BRINP2: variants seen among roughly 807,000 people sequenced by gnomAD.
BRINP2 encodes the protein BMP/retinoic acid-inducible neural-specific protein 2.
A neutral mutation model predicts 69.2 loss-of-function variants in BRINP2; 21 were observed. That is an observed-to-expected ratio of 0.30 (90% CI 0.22 to 0.44). The LOEUF (loss-of-function observed/expected upper bound fraction) is 0.44. Among genes scored for constraint, BRINP2 ranks in the 20% least tolerant of loss-of-function variants. The pLI is 1.00. For synonymous variants in BRINP2, 380 were observed against 394.1 expected (o/e 0.96, Z 0.42); for missense variants, 877 against 986.0 (o/e 0.89, Z 1.48).
At chr1:177,210,779 A>T (rs959872527) in intron 1 of BRINP2, among the ~76,000 whole-genome samples, 1 of 151,808 alleles carries the variant, frequency 6.6e-6, no homozygotes, top group Non-Finnish European at 1.5e-5. Flanking sequence ...TCCGATGAAA[A>T]ATTATTATCT....
chr1:177,237,920 G>C (rs879854818), intron 2 of BRINP2, among the ~76,000 whole-genome samples: 1 of 152,080 alleles, frequency 6.6e-6, no homozygotes, highest in East Asian at 1.9e-4. Flanking sequence ...CTAGGTCAAG[G>C]ATTCTCAATA....
chr1:177,178,130 T>A (rs1648143233), intron 1 of BRINP2, among the ~76,000 whole-genome samples: 1 of 152,210 alleles, frequency 6.6e-6, no homozygotes, highest in South Asian at 2.1e-4. Flanking sequence ...TCACCCCTCG[T>A]GCTACTGTCT....
intron 2 of BRINP2, among the ~76,000 whole-genome samples, chr1:177,235,782 C>T (rs927592147): frequency 6.6e-6 from 1 of 152,142 alleles, no homozygotes; most frequent in African/African-American, 2.4e-5. Context: ...TGCATTACAG[C>T]CACTGAGGTA....
chr1:177,180,266 T>A (rs1379668801), intron 1 of BRINP2, among the ~76,000 whole-genome samples: 1 of 152,170 alleles, frequency 6.6e-6, no homozygotes, highest in South Asian at 2.1e-4. Flanking sequence ...CCCTGCACCA[T>A]GCCCTCTGCC....
intron 1 of BRINP2, among the ~76,000 whole-genome samples, chr1:177,217,170 C>T (rs1649404894): frequency 1.3e-5 from 2 of 151,636 alleles, no homozygotes; most frequent in South Asian, 4.2e-4. Context: ...GATGATGTCC[C>T]ATTATTCCCA....
Position 177,280,874 on chromosome 1 carries a change from G to T in BRINP2, c.1698G>T (p.Val566=). 6.2e-7 allele frequency: 1 copy of T among 1,614,192 alleles called. No individual in the cohort carries two copies. Among genetic ancestry groups the T allele is most frequent in the East Asian group, 2.2e-5 (1 of 44,878 alleles). ...SNKYKPGLVH[V]MLALSLQICL... The stretch of plus-strand genomic sequence containing the variant: ...AGTACAAGCCTGGGCTGGTGCACGT[G>T]ATGTTGGCCTTGTCCTTGCAGATCT... The change falls in exon 8 of 8, where the codon GTG becomes GTT. Residue 566 remains valine (V), a synonymous_variant. Transcript: ENST00000361539.
chr1:177,281,136 G>A lies in BRINP2; in HGVS notation c.1960G>A (p.Asp654Asn). Reference sequence around the variant, plus strand: ...CCTACGGAGCCGAATCAAGTCCCTGGATGACAGCTCCAATGAGACAATCTA... The same window carrying A: ...CCTACGGAGCCGAATCAAGTCCCTGAATGACAGCTCCAATGAGACAATCTA... ...VYLRSRIKSL[D>N]DSSNETIYYE... Residue 654 changes from aspartate to asparagine, a missense_variant, in exon 8 of 8, where the codon GAT (aspartate) becomes AAT (asparagine). By Grantham distance (23) the Asp-to-Asn change is conservative. Transcript: ENST00000361539. 1 of 1,614,202 alleles carries A rather than the reference G, an allele frequency of 6.2e-7. No individual in the cohort carries two copies. Among genetic ancestry groups the A allele is most frequent in the Non-Finnish European group, 8.5e-7 (1 of 1,180,044 alleles).
Position 177,270,532 on chromosome 1 carries a change from G to A in BRINP2, c.670-2956G>A, listed in dbSNP as rs139496103. 1.2e-4 allele frequency among the ~76,000 whole-genome samples: 18 copies of A among 151,972 alleles called. No homozygotes were observed. The East Asian group carries it at 3.5e-3, about 30-fold the overall frequency. ...AAGCAGATGCATTGGTGGCAGGCAG[G>A]GATGGGGGAGGGAGAAGTGGGGGGA... On this transcript the variant is annotated intron_variant, in intron 4 of 7. Transcript: ENST00000361539.
At chr1:177,256,520 T>C in intron 3 of BRINP2, 4 of 985,348 alleles carry the variant, frequency 4.1e-6, no homozygotes, top group South Asian at 4.7e-5. Context: ...TCTATAACGA[T>C]TGGAAACTGT....
rs144727355 is a variant in BRINP2, at chr1:177,279,181, G to A, written c.1235+396G>A. On this transcript the variant is annotated intron_variant, in intron 7 of 7. Transcript: ENST00000361539. ...ATGATTCTGCTCTGGGTCACAGGAG[G>A]AAAAAAAGTGGAGACCTGCACCCTC... Among the ~76,000 whole-genome samples the A allele has an allele frequency of 1.3e-5, 2 of 152,096 alleles. 1 individual carries two copies. The highest frequency in any genetic ancestry group is 3.9e-4 in the East Asian group (2 of 5,170).
intron 2 of BRINP2, among the ~76,000 whole-genome samples, chr1:177,241,337 T>G (rs1650200580): frequency 6.6e-6 from 1 of 152,172 alleles, no homozygotes; most frequent in South Asian, 2.1e-4. Flanking sequence ...CGAATCATAG[T>G]CTTTCTTCCC....
chr1:177,244,523 G>A (rs1017972168), intron 2 of BRINP2, among the ~76,000 whole-genome samples: 5 of 152,146 alleles, frequency 3.3e-5, no homozygotes, highest in African/African-American at 9.7e-5. Context: ...CCAGCTACTC[G>A]GGAGGCTAAG....
At chr1:177,229,608 G>A (rs1437778788) in intron 1 of BRINP2, among the ~76,000 whole-genome samples, 193 bp from the exon 2 acceptor site, 1 of 152,178 alleles carries the variant, frequency 6.6e-6, no homozygotes, top group Non-Finnish European at 1.5e-5. Context: ...GATGGCAATA[G>A]TGTTTCCTCA....
intron 4 of BRINP2, among the ~76,000 whole-genome samples, chr1:177,263,044 G>A (rs1351838749): frequency 6.6e-6 from 1 of 152,138 alleles, no homozygotes; most frequent in Admixed American, 6.5e-5. Flanking sequence ...AGAGGGAAGA[G>A]AGTTGAGAAT....
chr1:177,197,908 G>A (rs1469419208), intron 1 of BRINP2, among the ~76,000 whole-genome samples: 1 of 152,156 alleles, frequency 6.6e-6, no homozygotes, highest in African/African-American at 2.4e-5. Context: ...CAAGAGAAAG[G>A]TGTTTCCACT....
At chr1:177,253,944 G>A (rs55924279) in intron 2 of BRINP2, among the ~76,000 whole-genome samples, 51,518 of 151,960 alleles carry the variant, frequency 0.34, 9,663 homozygotes, top group South Asian at 0.54. Flanking sequence ...ATTTGGGATG[G>A]GTGAAGAGGG....
At chr1:177,203,893 G>A (rs1282317762) in intron 1 of BRINP2, among the ~76,000 whole-genome samples, 1 of 152,154 alleles carries the variant, frequency 6.6e-6, no homozygotes, top group South Asian at 2.1e-4. Context: ...GCTATAATCA[G>A]GAATTTGACC....
At chr1:177,180,086 C>T (rs1299803166) in intron 1 of BRINP2, among the ~76,000 whole-genome samples, 2 of 152,152 alleles carry the variant, frequency 1.3e-5, no homozygotes, top group African/African-American at 4.8e-5. Flanking sequence ...TTAATATACT[C>T]CCAATGCCTA....
chr1:177,203,028 G>A (rs576179411), intron 1 of BRINP2, among the ~76,000 whole-genome samples: 201 of 152,020 alleles, frequency 1.3e-3, no homozygotes, highest in African/African-American at 4.4e-3. Flanking sequence ...ACATGCACAC[G>A]TATGTTTATT....
Sources: gnomAD v4.1 joint callset for allele counts (sites outside exome capture counted in the v4.1 genomes callset) on GRCh38, gnomAD v4.1.1 for gene constraint, MANE v1.5 for transcripts, NCBI Gene and HGNC (gene_info 2026-07-23, HGNC 2026-07-21) for gene names.